Variants in KLF12 observed in about 807,000 individuals in gnomAD.
KLF12 encodes KLF transcription factor 12.
Under a neutral mutation model 37.8 loss-of-function variants are expected in KLF12, and 9 were observed. That is an observed-to-expected ratio of 0.24 (90% confidence interval 0.14 to 0.42). The LOEUF (loss-of-function observed/expected upper bound fraction) is 0.42. Among genes scored for constraint, KLF12 ranks in the 10% least tolerant of loss-of-function variants. The pLI is 1.00. For missense variants in KLF12, 411 were observed against 516.0 expected, an observed-to-expected ratio of 0.80 and a Z score of 1.97; for synonymous variants, 208 against 202.1, an observed-to-expected ratio of 1.03 and a Z score of -0.25.
rs1873932201 is a variant in KLF12, at chr13:73,693,460, A to G, written c.*2030T>C. On this transcript the variant is annotated 3_prime_UTR_variant, in exon 8 of 8. Coordinates refer to ENST00000377669, the MANE Select transcript of KLF12 (RefSeq NM_007249.5). ...AGACCTGGCAGACAATATAGAGCAC[A>G]TATTTGTGAAGCCATAATTTGACCT... The G allele has an allele frequency of 6.6e-6, 1 of 152,194 alleles. No individual in the cohort carries two copies. Among genetic ancestry groups the G allele is most frequent in the African/African-American group, 2.4e-5 (1 of 41,450 alleles). The allele number at this position is 152,194 out of a possible 1,614,324, so 9.4% of individuals were successfully genotyped here. A position where few individuals can be genotyped will look rare whatever the true frequency, so the allele number is the denominator to read the frequency against.
the KLF12 span, among the ~76,000 whole-genome samples, chr13:74,191,693 G>A: frequency 1.3e-5 from 2 of 152,140 alleles, no homozygotes; most frequent in African/African-American, 4.8e-5. Context: ...AAAGTACAGA[G>A]CCTTAGACTC....
In KLF12 at chr13:73,884,561, G is replaced by A. The variant is rs1407509678; in HGVS notation, c.124-38188C>T. ...GAATGAGGAGTCTGTCAGGACAGAG[G>A]AGGATGTGCCCATTCAGGGCCTGTA... is the stretch of plus-strand genomic sequence containing the variant. On this transcript the variant is annotated intron_variant, in intron 3 of 7. Coordinates refer to ENST00000377669, the MANE Select transcript of KLF12 (RefSeq NM_007249.5). 2.6e-5 allele frequency among the ~76,000 whole-genome samples: 4 copies of A among 152,322 alleles called. No homozygotes were observed. The East Asian group carries it at 7.7e-4, about 29-fold the overall frequency.
the KLF12 span, among the ~76,000 whole-genome samples, chr13:74,295,270 T>C: frequency 6.6e-5 from 10 of 152,268 alleles, no homozygotes; most frequent in East Asian, 1.3e-3. Context: ...TTTTCTAACC[T>C]CTTTCTTTTG....
intron 2 of KLF12, among the ~76,000 whole-genome samples, chr13:73,979,487 A>G (rs1200884500): frequency 1.3e-5 from 2 of 152,096 alleles, no homozygotes; most frequent in African/African-American, 4.8e-5. Context: ...AAGACAAAGA[A>G]TATGAGAATA....
At chr13:73,984,268 G>C (rs1014613434) in intron 2 of KLF12, among the ~76,000 whole-genome samples, 1 of 152,152 alleles carries the variant, frequency 6.6e-6, no homozygotes, top group Non-Finnish European at 1.5e-5. Flanking sequence ...CGGGACTCGG[G>C]GCAGTAGTGA....
chr13:74,160,475 G>C, the KLF12 span, among the ~76,000 whole-genome samples: 3 of 152,222 alleles, frequency 2.0e-5, no homozygotes, highest in Non-Finnish European at 4.4e-5. Context: ...TGAAGTTTCT[G>C]TGTTTTCAGG....
chr13:74,280,821 T>C, the KLF12 span, among the ~76,000 whole-genome samples: 1 of 119,798 alleles, frequency 8.3e-6, no homozygotes, highest in African/African-American at 3.3e-5. Context: ...TTTTTTTCTT[T>C]TTTCTTTTTT....
chr13:73,981,198 T>C (rs1593803662), intron 2 of KLF12, among the ~76,000 whole-genome samples: 1 of 152,158 alleles, frequency 6.6e-6, no homozygotes, highest in African/African-American at 2.4e-5. Flanking sequence ...TGCAACTACA[T>C]GGGAAAACAA....
At position 73,698,810 on chromosome 13, in the gene KLF12, G is replaced by C. The variant is rs1056262864; in HGVS notation, c.1028-3139C>G. ...CTATGGAAGGGGTTTGCCAACCCCT[G>C]ATTTTTATAAGAGATGGCCATCTCT... On this transcript the variant is annotated intron_variant, in intron 7 of 7. Coordinates refer to ENST00000377669, the MANE Select transcript of KLF12 (RefSeq NM_007249.5). Among the ~76,000 whole-genome samples the C allele has an allele frequency of 2.6e-5, 4 of 152,074 alleles. No individual in the cohort carries two copies. In the South Asian group the frequency reaches 8.3e-4, roughly 31 times the overall value.
chr13:73,708,793 G>C (rs1237890537), intron 7 of KLF12, among the ~76,000 whole-genome samples: 1 of 152,104 alleles, frequency 6.6e-6, no homozygotes, highest in African/African-American at 2.4e-5. Flanking sequence ...TAATTGTTTT[G>C]TATAGCACAT....
chr13:74,086,855 A>C lies in KLF12; in HGVS notation c.-32+46884T>G, dbSNP rs534276652. On this transcript the variant is annotated intron_variant, in intron 1 of 7. Transcript: ENST00000377669. The stretch of plus-strand genomic sequence containing the variant: ...CTGTTCTTACATTAAAGTAAGCTAG[A>C]GAAAATAAAATGTTATTAAGAAAAT... 5.9e-5 allele frequency among the ~76,000 whole-genome samples: 9 copies of C among 152,336 alleles called. No homozygotes were observed. The South Asian group carries it at 1.9e-3, about 32-fold the overall frequency.
intron 3 of KLF12, among the ~76,000 whole-genome samples, chr13:73,929,935 C>A (rs913212658): frequency 6.6e-6 from 1 of 152,064 alleles, no homozygotes; most frequent in Non-Finnish European, 1.5e-5. Flanking sequence ...ACTGGAATCA[C>A]AACACAAGAA....
intron 1 of KLF12, among the ~76,000 whole-genome samples, chr13:74,076,198 AAGGT>A (rs1486166803): frequency 6.6e-6 from 1 of 152,236 alleles, no homozygotes; most frequent in African/African-American, 2.4e-5. Context: ...AAAATTTTAA[AAGGT>A]AGATTTACTT....
intron 4 of KLF12, among the ~76,000 whole-genome samples, chr13:73,840,506 C>T (rs374467929): frequency 2.0e-5 from 3 of 152,114 alleles, no homozygotes; most frequent in African/African-American, 7.2e-5. Flanking sequence ...ATTCCTCTCT[C>T]AACCCCACTG....
At chr13:74,027,108 A>T (rs1892994845) in intron 1 of KLF12, among the ~76,000 whole-genome samples, 1 of 152,216 alleles carries the variant, frequency 6.6e-6, no homozygotes, top group African/African-American at 2.4e-5. Flanking sequence ...ATAGAAAAGA[A>T]CAATGGGAAA....
chr13:74,252,909 A>G, the KLF12 span, among the ~76,000 whole-genome samples: 1 of 152,202 alleles, frequency 6.6e-6, no homozygotes, highest in Non-Finnish European at 1.5e-5. Context: ...TATCCGGTCT[A>G]GATTATCCCT....
At chr13:74,128,837 T>C (rs1032490173) in intron 1 of KLF12, among the ~76,000 whole-genome samples, 1 of 152,162 alleles carries the variant, frequency 6.6e-6, no homozygotes. Flanking sequence ...CCCCCTTTTT[T>C]ATACACACGT....
chr13:73,822,210 G>A (rs373909297), intron 4 of KLF12, among the ~76,000 whole-genome samples: 1 of 152,200 alleles, frequency 6.6e-6, no homozygotes, highest in East Asian at 1.9e-4. Context: ...ATTTGTGAGA[G>A]AAAAGTCACA....
chr13:74,099,505 C>T (rs1593898684), intron 1 of KLF12, among the ~76,000 whole-genome samples: 2 of 152,326 alleles, frequency 1.3e-5, no homozygotes, highest in East Asian at 1.9e-4. Context: ...AATCAAAGTG[C>T]TTCTCTTAGA....
Sources: allele counts gnomAD v4.1 joint callset (sites outside exome capture counted in the v4.1 genomes callset), GRCh38; gene constraint gnomAD v4.1.1; transcripts MANE v1.5; gene names NCBI Gene and HGNC (gene_info 2026-07-23, HGNC 2026-07-21).